MGMT: variants seen among roughly 807,000 people sequenced by gnomAD.
The protein encoded by MGMT is O-6-methylguanine-DNA methyltransferase, also known as methylated-DNA--protein-cysteine methyltransferase.
In MGMT, 14 loss-of-function variants were observed where a neutral mutation model predicts 15.9. The observed-to-expected ratio is 0.88, with a 90% CI of 0.58 to 1.37. The LOEUF (loss-of-function observed/expected upper bound fraction) is 1.37. Among genes scored for constraint, MGMT ranks in the 40% most tolerant of loss-of-function variants. The pLI is 0.00. For missense variants in MGMT, 282 were observed against 268.1 expected, an observed-to-expected ratio of 1.05 and a Z score of -0.36; for synonymous variants, 130 against 118.2, an observed-to-expected ratio of 1.10 and a Z score of -0.65.
At chr10:129,695,346 G>C (rs1848017943) in intron 2 of MGMT, among the ~76,000 whole-genome samples, 1 of 152,130 alleles carries the variant, frequency 6.6e-6, no homozygotes, top group Non-Finnish European at 1.5e-5. Flanking sequence ...TTTCATAATA[G>C]GGAACTATCT....
intron 2 of MGMT, among the ~76,000 whole-genome samples, chr10:129,675,775 G>T (rs1847778730): frequency 1.3e-5 from 2 of 152,210 alleles, no homozygotes; most frequent in South Asian, 4.1e-4. Flanking sequence ...AGACCCAGTA[G>T]GTGGTGTCGC....
At position 129,528,484 on chromosome 10, in the gene MGMT, C is replaced by T. The variant is rs557352631; in HGVS notation, c.-12-7757C>T. 1.1e-4 allele frequency among the ~76,000 whole-genome samples: 17 copies of T among 148,786 alleles called. No individual in the cohort carries two copies. The South Asian group carries it at 1.5e-3, about 13-fold the overall frequency. On this transcript the variant is annotated intron_variant, in intron 1 of 4. Transcript: ENST00000651593. ...CAGCAGTAGCACGGAGGCTGTGAAG[C>T]GAGAGCGAGGCTGGAGTGTGAGGGG...
At chr10:129,591,856 G>A (rs552581502) in intron 2 of MGMT, among the ~76,000 whole-genome samples, 3 of 152,316 alleles carry the variant, frequency 2.0e-5, no homozygotes, top group South Asian at 2.1e-4. Context: ...GCTTGAACCC[G>A]GGAGGCAGAG....
intron 2 of MGMT, among the ~76,000 whole-genome samples, chr10:129,604,084 C>T (rs1846857280): frequency 6.6e-6 from 1 of 152,110 alleles, no homozygotes; most frequent in African/African-American, 2.4e-5. Context: ...TTGTTTTCTA[C>T]CCCAAGCAGT....
intron 2 of MGMT, among the ~76,000 whole-genome samples, chr10:129,571,004 T>A (rs958393604): frequency 9.9e-5 from 15 of 152,206 alleles, no homozygotes; most frequent in African/African-American, 3.4e-4. Flanking sequence ...TAAATTTGTT[T>A]TAGATAATCT....
chr10:129,477,273 A>G (rs1244607346), intron 1 of MGMT, among the ~76,000 whole-genome samples: 2 of 151,800 alleles, frequency 1.3e-5, no homozygotes, highest in Non-Finnish European at 2.9e-5. Flanking sequence ...TTCACACACC[A>G]CTGTTTTCTA....
At chr10:129,538,740 A>G (rs1019245910) in intron 2 of MGMT, among the ~76,000 whole-genome samples, 1 of 152,000 alleles carries the variant, frequency 6.6e-6, no homozygotes, top group African/African-American at 2.4e-5. Context: ...GGTTCAAGCA[A>G]TTCTCCTGCC....
At chr10:129,703,773 C>T (rs926037753) in intron 2 of MGMT, among the ~76,000 whole-genome samples, 1 of 152,190 alleles carries the variant, frequency 6.6e-6, no homozygotes, top group African/African-American at 2.4e-5. Flanking sequence ...GGAGACAAGA[C>T]CCTCACCCAG....
intron 1 of MGMT, among the ~76,000 whole-genome samples, chr10:129,531,792 G>GC (rs1845935544): frequency 6.9e-6 from 1 of 144,660 alleles, no homozygotes; most frequent in African/African-American, 2.5e-5. Context: ...GGGTGGGGGG[G>GC]GGTGGGGGTT....
intron 1 of MGMT, among the ~76,000 whole-genome samples, chr10:129,524,780 C>T (rs376655870): frequency 6.6e-6 from 1 of 151,638 alleles, no homozygotes; most frequent in Non-Finnish European, 1.5e-5. Flanking sequence ...TTAGTAGAGA[C>T]GGGGTTTCAC....
chr10:129,632,454 G>T lies in MGMT; in HGVS notation c.126-75441G>T, dbSNP rs150460108. On this transcript the variant is annotated intron_variant, in intron 2 of 4. Transcript: ENST00000651593. ...GCGAGACTGAAGCGGGTATTTTCACGTGAGACTTCGCCAGTACGGGGCAAA... is the reference window on the plus strand; with the variant it reads ...GCGAGACTGAAGCGGGTATTTTCACTTGAGACTTCGCCAGTACGGGGCAAA... Among the ~76,000 whole-genome samples, 54 of 148,274 alleles carry T rather than the reference G, an allele frequency of 3.6e-4. No homozygotes were observed. In the East Asian group the frequency reaches 9.9e-3, roughly 27 times the overall value.
chr10:129,504,647 G>A (rs1845607284), intron 1 of MGMT, among the ~76,000 whole-genome samples: 1 of 152,160 alleles, frequency 6.6e-6, no homozygotes, highest in African/African-American at 2.4e-5. Flanking sequence ...TCTTGAGAAG[G>A]ACTAGAGAGG....
At chr10:129,640,054 A>G (rs2133089156) in intron 2 of MGMT, among the ~76,000 whole-genome samples, 1 of 151,690 alleles carries the variant, frequency 6.6e-6, no homozygotes, top group East Asian at 1.9e-4. Flanking sequence ...ATAGCAGGAC[A>G]GTTTCGCTAC....
chr10:129,645,620 T>C (rs1847379734), intron 2 of MGMT, among the ~76,000 whole-genome samples: 1 of 152,184 alleles, frequency 6.6e-6, no homozygotes, highest in African/African-American at 2.4e-5. Flanking sequence ...GGCAGAAGCA[T>C]GGAAAGCCGG....
At chr10:129,536,485 A>C (rs1589855412) in intron 2 of MGMT, 108 bp downstream of exon 2, 3 of 1,361,242 alleles carry the variant, frequency 2.2e-6, no homozygotes, top group African/African-American at 1.5e-5. Flanking sequence ...GCATAGCCTT[A>C]CCCCCACAAC....
intron 2 of MGMT, among the ~76,000 whole-genome samples, chr10:129,626,421 G>A (rs1564741223): frequency 1.3e-5 from 2 of 152,148 alleles, no homozygotes; most frequent in South Asian, 4.1e-4. Context: ...TTGAGCTTCC[G>A]GCAGCACGTG....
rs1199880690 is a variant in MGMT at position 129,732,534 on chromosome 10, TTTC to T, written c.274+24494_274+24496del. Among the ~76,000 whole-genome samples, 6 of 151,608 alleles carry T rather than the reference TTTC, an allele frequency of 4.0e-5. No homozygotes were observed. The East Asian group carries it at 1.2e-3, about 29-fold the overall frequency. ...ATTCCATAGTGTACACATGCCACATTTTCTTTTTTTTTGGCATTTTTTTTAATT... is the reference window on the plus strand; with the variant it reads ...ATTCCATAGTGTACACATGCCACATTTTTTTTTTTGGCATTTTTTTTAATT... On this transcript the variant is annotated intron_variant, in intron 3 of 4. Transcript: ENST00000651593.
intron 2 of MGMT, among the ~76,000 whole-genome samples, chr10:129,611,780 A>C (rs892051306): frequency 2.6e-5 from 4 of 152,292 alleles, no homozygotes; most frequent in African/African-American, 9.6e-5. Context: ...TTCTCCCTCG[A>C]GAGCAGCGGT....
intron 1 of MGMT, among the ~76,000 whole-genome samples, chr10:129,482,402 C>T (rs931240557): frequency 3.9e-5 from 6 of 152,108 alleles, no homozygotes; most frequent in African/African-American, 1.2e-4. Context: ...GTGGAGTGCT[C>T]TTTAAATGTA....
Sources: allele counts gnomAD v4.1 joint callset (sites outside exome capture counted in the v4.1 genomes callset), GRCh38; gene constraint gnomAD v4.1.1; transcripts MANE v1.5; gene names NCBI Gene and HGNC (gene_info 2026-07-23, HGNC 2026-07-21).